NELL1: variants seen among roughly 807,000 people sequenced by gnomAD.
The protein encoded by NELL1 is protein kinase C-binding protein NELL1.
In NELL1, 76 loss-of-function variants were observed where a neutral mutation model predicts 107.4. That is an observed-to-expected ratio of 0.71 (90% CI 0.59 to 0.86). The LOEUF is 0.86. Ranked by LOEUF, NELL1 falls within the 40% of genes least tolerant of loss-of-function variation. The probability of loss-of-function intolerance (pLI) is 0.00; values close to 1 mark genes in which losing one functional copy is unlikely to be tolerated. For missense variants in NELL1, 1,024 were observed against 1,005.5 expected (o/e 1.02, Z -0.25); for synonymous variants, 353 against 341.2 (o/e 1.03, Z -0.38).
intron 13 of NELL1, among the ~76,000 whole-genome samples, chr11:21,213,130 C>T (rs1041760001): frequency 6.6e-6 from 1 of 151,558 alleles, no homozygotes; most frequent in African/African-American, 2.4e-5. Context: ...AAATGAAATG[C>T]CTAAGAAAAT....
chr11:21,446,764 C>T (rs1267530560), intron 15 of NELL1, among the ~76,000 whole-genome samples: 1 of 152,162 alleles, frequency 6.6e-6, no homozygotes, highest in Non-Finnish European at 1.5e-5. Context: ...CTCACTGTAA[C>T]CACTACTGGG....
At chr11:20,942,642 A>T (rs1424462962) in intron 10 of NELL1, among the ~76,000 whole-genome samples, 4 of 152,244 alleles carry the variant, frequency 2.6e-5, no homozygotes, top group Non-Finnish European at 4.4e-5. Context: ...TTGTTATTCC[A>T]TATGACCATA....
At chr11:20,792,654 A>G (rs1857098086) in intron 3 of NELL1, among the ~76,000 whole-genome samples, 1 of 152,004 alleles carries the variant, frequency 6.6e-6, no homozygotes, top group Non-Finnish European at 1.5e-5. Flanking sequence ...TAACATAAGT[A>G]ATTACATTAA....
chr11:21,239,116 G>A (rs1455967022), intron 14 of NELL1, among the ~76,000 whole-genome samples: 4 of 152,038 alleles, frequency 2.6e-5, no homozygotes, highest in East Asian at 1.9e-4. Context: ...TTATTAGCAC[G>A]ATGAAAAATC....
intron 3 of NELL1, among the ~76,000 whole-genome samples, chr11:20,787,135 T>C (rs1195799674): frequency 2.7e-5 from 4 of 148,150 alleles, no homozygotes. Context: ...AAAATAAATA[T>C]GAAGAAGTAG....
At chr11:20,935,056 G>A (rs1250386046) in intron 9 of NELL1, among the ~76,000 whole-genome samples, 1 of 152,066 alleles carries the variant, frequency 6.6e-6, no homozygotes, top group African/African-American at 2.4e-5. Context: ...ACCTACTAGA[G>A]GCTCATTAAT....
chr11:20,713,852 C>T (rs1855171598), intron 2 of NELL1, among the ~76,000 whole-genome samples: 1 of 152,134 alleles, frequency 6.6e-6, no homozygotes, highest in Non-Finnish European at 1.5e-5. Flanking sequence ...CTTCCTGCTG[C>T]TGCTTCTATT....
At chr11:21,404,254 A>G (rs139980816) in intron 15 of NELL1, among the ~76,000 whole-genome samples, 78 of 151,870 alleles carry the variant, frequency 5.1e-4, no homozygotes, top group African/African-American at 1.5e-3. Flanking sequence ...CTATACTTAT[A>G]TTTTCCTTTT....
chr11:21,314,874 T>C (rs971308036), intron 14 of NELL1, among the ~76,000 whole-genome samples: 1 of 152,212 alleles, frequency 6.6e-6, no homozygotes, highest in South Asian at 2.1e-4. Flanking sequence ...CTTTTTTTTT[T>C]TGAGACAAAT....
intron 12 of NELL1, among the ~76,000 whole-genome samples, chr11:21,057,025 G>A (rs980424347): frequency 1.3e-5 from 2 of 151,962 alleles, no homozygotes; most frequent in African/African-American, 4.8e-5. Context: ...AAGAAAAGGG[G>A]TTTATGAGTT....
At chr11:21,543,059 G>A (rs2133980591) in intron 16 of NELL1, among the ~76,000 whole-genome samples, 1 of 151,946 alleles carries the variant, frequency 6.6e-6, no homozygotes, top group South Asian at 2.1e-4. Context: ...AGTGGACCAG[G>A]GTATTTCAGA....
intron 12 of NELL1, among the ~76,000 whole-genome samples, chr11:21,010,691 T>C (rs961054865): frequency 1.3e-5 from 2 of 151,932 alleles, no homozygotes; most frequent in African/African-American, 4.8e-5. Context: ...AAATAGGGAG[T>C]AAAGCTGAGG....
chr11:21,269,000 G>A (rs956370784), intron 14 of NELL1, among the ~76,000 whole-genome samples: 1 of 152,104 alleles, frequency 6.6e-6, no homozygotes, highest in African/African-American at 2.4e-5. Context: ...AAAATCTGTA[G>A]CAGACATGAA....
chr11:20,767,719 TATTCATTCATTCATTC>T (rs112687398), intron 2 of NELL1, among the ~76,000 whole-genome samples: 1 of 150,710 alleles, frequency 6.6e-6, no homozygotes, highest in Non-Finnish European at 1.5e-5. Flanking sequence ...CAATATATCA[TATTCATTCATTCATTC>T]ATTCATTCAT....
intron 3 of NELL1, among the ~76,000 whole-genome samples, chr11:20,846,739 A>C (rs994007833): frequency 6.6e-6 from 1 of 152,218 alleles, no homozygotes; most frequent in African/African-American, 2.4e-5. Flanking sequence ...GTATATGTGA[A>C]ATACCTAGTG....
intron 12 of NELL1, among the ~76,000 whole-genome samples, chr11:21,032,072 A>C (rs1055757451): frequency 2.0e-5 from 3 of 149,124 alleles, no homozygotes; most frequent in African/African-American, 7.3e-5. Flanking sequence ...AATAATAATA[A>C]TAATAATAAT....
At chr11:20,919,919 T>G (rs1850340742) in intron 7 of NELL1, among the ~76,000 whole-genome samples, 1 of 152,108 alleles carries the variant, frequency 6.6e-6, no homozygotes, top group Non-Finnish European at 1.5e-5. Flanking sequence ...CAAGCATCTT[T>G]TGAGGACCTG....
At chr11:21,042,489 G>A (rs12803840) in intron 12 of NELL1, among the ~76,000 whole-genome samples, 55,459 of 152,002 alleles carry the variant, frequency 0.36, 11,013 homozygotes, top group Admixed American at 0.45. Context: ...GTATTGCTGT[G>A]GAGCAGTATC....
chr11:21,410,167 AC>A (rs1448067643), intron 15 of NELL1, among the ~76,000 whole-genome samples: 1 of 152,046 alleles, frequency 6.6e-6, no homozygotes, highest in Admixed American at 6.6e-5. Flanking sequence ...AATGTAAATT[AC>A]TTTCCCTTTT....
Sources: gnomAD v4.1 joint callset for allele counts (sites outside exome capture counted in the v4.1 genomes callset) on GRCh38, gnomAD v4.1.1 for gene constraint, MANE v1.5 for transcripts, NCBI Gene and HGNC (gene_info 2026-07-23, HGNC 2026-07-21) for gene names.